Variants in ATP10B observed in about 807,000 individuals in gnomAD.
ATP10B encodes phospholipid-transporting ATPase VB.
In ATP10B, 122 loss-of-function variants were observed where a neutral mutation model predicts 141.2. That is an observed-to-expected ratio of 0.86 (90% CI 0.75 to 1.00). ATP10B has a LOEUF of 1.00. Among genes scored for constraint, ATP10B ranks in the 50% least tolerant of loss-of-function variants. The pLI, the probability that ATP10B is intolerant of heterozygous loss-of-function variation, is 0.00. For synonymous variants in ATP10B, 685 were observed against 692.0 expected, an observed-to-expected ratio of 0.99 and a Z score of 0.16; for missense variants, 1,876 against 1,825.3, an observed-to-expected ratio of 1.03 and a Z score of -0.51.
At chr5:160,664,432 G>T (rs766068309) in intron 7 of ATP10B, among the ~76,000 whole-genome samples, 2 of 152,148 alleles carry the variant, frequency 1.3e-5, no homozygotes, top group Non-Finnish European at 2.9e-5. Context: ...TTGAGCAAAT[G>T]GCTTAAAAGC....
At chr5:160,592,197 G>A (rs138880124) in intron 22 of ATP10B, among the ~76,000 whole-genome samples, 1 of 152,236 alleles carries the variant, frequency 6.6e-6, no homozygotes, top group African/African-American at 2.4e-5. Flanking sequence ...GTAATTTTGA[G>A]TTCTAAGTTT....
chr5:160,805,179 A>G (rs978046865), intron 1 of ATP10B, among the ~76,000 whole-genome samples: 7 of 152,248 alleles, frequency 4.6e-5, no homozygotes, highest in Non-Finnish European at 1.0e-4. Flanking sequence ...GAAGAGCTTT[A>G]AAGACTATAT....
At chr5:160,660,904 G>T (rs1188754987) in intron 7 of ATP10B, among the ~76,000 whole-genome samples, 1 of 152,132 alleles carries the variant, frequency 6.6e-6, no homozygotes, top group African/African-American at 2.4e-5. Context: ...AATCGTACAG[G>T]GGCTGGGTGC....
At position 160,752,752 on chromosome 5, in the gene ATP10B, A is replaced by G. The variant is rs533227265; in HGVS notation, c.-331+32807T>C. Reference sequence around the variant, plus strand: ...CGCGGGGATGTGGGCTTTTCATGAGATATGCAAATACAACAATACAGAGGC... The same window carrying G: ...CGCGGGGATGTGGGCTTTTCATGAGGTATGCAAATACAACAATACAGAGGC... On this transcript the variant is annotated intron_variant, in intron 2 of 25. Transcript: ENST00000327245. Among the ~76,000 whole-genome samples, 182 of 152,304 alleles carry G rather than the reference A, an allele frequency of 1.2e-3. 1 individual carries two copies. The highest frequency in any genetic ancestry group is 4.2e-3 in the African/African-American group (175 of 41,570).
intron 10 of ATP10B, among the ~76,000 whole-genome samples, chr5:160,638,399 T>A (rs1265671335): frequency 6.6e-6 from 1 of 152,162 alleles, no homozygotes; most frequent in Non-Finnish European, 1.5e-5. Context: ...TGATATGCCC[T>A]GAAAAACCTG....
chr5:160,891,709 A>G, the ATP10B span, among the ~76,000 whole-genome samples: 13 of 152,342 alleles, frequency 8.5e-5, no homozygotes, highest in South Asian at 4.1e-4. Context: ...AAGTGCTGGG[A>G]TTACAGGTGT....
chr5:160,636,416 G>A (rs1759375938), intron 10 of ATP10B, 107 bp from the exon 11 acceptor site: 4 of 1,177,984 alleles, frequency 3.4e-6, no homozygotes, highest in Admixed American at 4.5e-5. Context: ...TGCTTTGGAG[G>A]ACCCCTCCTT....
chr5:160,880,313 TAAATG>T, the ATP10B span, among the ~76,000 whole-genome samples: 1 of 149,768 alleles, frequency 6.7e-6, no homozygotes, highest in African/African-American at 2.4e-5. Context: ...AAAAATCAAA[TAAATG>T]AAGAGATATT....
At chr5:160,653,911 T>TACA (rs1462317163) in intron 7 of ATP10B, among the ~76,000 whole-genome samples, 1 of 1,996 alleles carries the variant, frequency 5.0e-4, no homozygotes, top group South Asian at 0.056. Context: ...TATACGTATA[T>TACA]ACATATATAA....
chr5:160,621,080 T>A, intron 14 of ATP10B, 130 bp from the exon 15 acceptor site: 1 of 1,139,508 alleles, frequency 8.8e-7, no homozygotes, highest in Non-Finnish European at 1.2e-6. Flanking sequence ...CCTGAAATTC[T>A]AAGCATTGAC....
At chr5:160,608,174 G>A (rs1757507081) in intron 18 of ATP10B, among the ~76,000 whole-genome samples, 1 of 152,000 alleles carries the variant, frequency 6.6e-6, no homozygotes, top group Non-Finnish European at 1.5e-5. Flanking sequence ...GTGAGAACAT[G>A]TGATGTTTGG....
intron 1 of ATP10B, among the ~76,000 whole-genome samples, chr5:160,817,143 T>A (rs1162069577): frequency 6.6e-6 from 1 of 152,172 alleles, no homozygotes; most frequent in Non-Finnish European, 1.5e-5. Context: ...ATGTTGGAAG[T>A]TCTGGCCAGG....
At chr5:160,705,369 A>G (rs929449163) in intron 3 of ATP10B, among the ~76,000 whole-genome samples, 3 of 152,082 alleles carry the variant, frequency 2.0e-5, no homozygotes, top group East Asian at 1.9e-4. Context: ...CTACAGGTGC[A>G]GGCCGCCATG....
At chr5:160,647,287 G>A (rs1383870151) in intron 8 of ATP10B, among the ~76,000 whole-genome samples, 1 of 152,194 alleles carries the variant, frequency 6.6e-6, no homozygotes, top group Non-Finnish European at 1.5e-5. Context: ...AGAAGGTGGA[G>A]ACCATCTGTG....
At chr5:160,884,881 G>A in the ATP10B span, among the ~76,000 whole-genome samples, 18 of 152,148 alleles carry the variant, frequency 1.2e-4, no homozygotes, top group East Asian at 3.5e-3. Context: ...TCTACTGGAT[G>A]TTTAATTGCA....
intron 1 of ATP10B, among the ~76,000 whole-genome samples, chr5:160,817,502 T>A (rs113670901): frequency 6.6e-5 from 10 of 151,352 alleles, no homozygotes; most frequent in African/African-American, 1.7e-4. Flanking sequence ...TAAAAGAGGA[T>A]ACAAACAAAT....
intron 7 of ATP10B, among the ~76,000 whole-genome samples, chr5:160,668,907 T>G (rs149020391): frequency 2.9e-3 from 439 of 152,334 alleles, no homozygotes; most frequent in African/African-American, 0.01. Context: ...TATCAGGTGC[T>G]TAGAGAGAGG....
chr5:160,817,846 A>T (rs755353527), intron 1 of ATP10B, among the ~76,000 whole-genome samples: 1 of 152,214 alleles, frequency 6.6e-6, no homozygotes, highest in Non-Finnish European at 1.5e-5. Flanking sequence ...ATAATGCCGC[A>T]TATCTACAGC....
At chr5:160,911,932 T>C in the ATP10B span, among the ~76,000 whole-genome samples, 3 of 152,174 alleles carry the variant, frequency 2.0e-5, no homozygotes, top group African/African-American at 7.2e-5. Flanking sequence ...GTGAAAATAT[T>C]TTGGTTAAGG....
Sources: allele counts gnomAD v4.1 joint callset (sites outside exome capture counted in the v4.1 genomes callset), GRCh38; gene constraint gnomAD v4.1.1; transcripts MANE v1.5; gene names NCBI Gene and HGNC (gene_info 2026-07-23, HGNC 2026-07-21).